FRMD3: variants seen among roughly 807,000 people sequenced by gnomAD.
The protein encoded by FRMD3 is FERM domain-containing protein 3.
FRMD3 carries 33 observed loss-of-function variants against 70.2 expected under a neutral mutation model. The ratio of observed to expected loss-of-function variants is 0.47; its 90% CI spans 0.36 to 0.63. The LOEUF is 0.63. FRMD3 is among the 20% of genes least tolerant of loss of function. FRMD3 has a pLI of 0.00. For missense variants in FRMD3, 632 were observed against 711.4 expected, an observed-to-expected ratio of 0.89 and a Z score of 1.27; for synonymous variants, 279 against 255.9, an observed-to-expected ratio of 1.09 and a Z score of -0.86.
chr9:83,514,697 A>G (rs1169836661), intron 1 of FRMD3, among the ~76,000 whole-genome samples: 1 of 152,196 alleles, frequency 6.6e-6, no homozygotes, highest in Non-Finnish European at 1.5e-5. Context: ...GTTGACAGAC[A>G]TCCCATACAG....
the FRMD3 span, among the ~76,000 whole-genome samples, chr9:83,556,831 C>T: frequency 6.6e-6 from 1 of 151,808 alleles, no homozygotes; most frequent in Non-Finnish European, 1.5e-5. Context: ...TTTTGTATAA[C>T]TTTTTGAGAT....
At chr9:83,269,997 G>T (rs1040559426) in intron 13 of FRMD3, among the ~76,000 whole-genome samples, 4 of 152,178 alleles carry the variant, frequency 2.6e-5, no homozygotes, top group Admixed American at 6.5e-5. Context: ...GCCCACAGGG[G>T]TGTCTACCTT....
chr9:83,382,064 AC>A (rs1376609321), intron 2 of FRMD3, among the ~76,000 whole-genome samples: 2 of 152,188 alleles, frequency 1.3e-5, no homozygotes, highest in Non-Finnish European at 2.9e-5. Context: ...TAAAAAAAAA[AC>A]ATGTATTACT....
chr9:83,357,696 A>G (rs535971617), intron 3 of FRMD3, among the ~76,000 whole-genome samples: 1 of 152,014 alleles, frequency 6.6e-6, no homozygotes, highest in East Asian at 1.9e-4. Flanking sequence ...ATTTTCTCAC[A>G]TGTTTGTTGC....
chr9:83,480,195 A>G (rs965723744), intron 1 of FRMD3, among the ~76,000 whole-genome samples: 2 of 152,232 alleles, frequency 1.3e-5, no homozygotes, highest in African/African-American at 4.8e-5. Flanking sequence ...CATGATGCCC[A>G]TAAATAGGGC....
downstream of FRMD3, among the ~76,000 whole-genome samples, chr9:83,243,744 C>G (rs115588003): frequency 2.8e-3 from 429 of 150,988 alleles, 3 homozygotes; most frequent in African/African-American, 9.8e-3. Context: ...AGCTAAGGGC[C>G]AATTCTGCTT....
chr9:83,291,499 C>CT (rs1264236068), intron 12 of FRMD3, among the ~76,000 whole-genome samples: 1 of 152,154 alleles, frequency 6.6e-6, no homozygotes, highest in Non-Finnish European at 1.5e-5. Flanking sequence ...CCAGTGCATA[C>CT]TTTAAAAAGG....
chr9:83,320,697 A>G (rs1835767249), intron 6 of FRMD3, among the ~76,000 whole-genome samples: 1 of 152,120 alleles, frequency 6.6e-6, no homozygotes, highest in South Asian at 2.1e-4. Context: ...AGAATGAGTT[A>G]AGGAGAACTC....
At chr9:83,327,741 G>T (rs552001919) in intron 6 of FRMD3, among the ~76,000 whole-genome samples, 2 of 152,126 alleles carry the variant, frequency 1.3e-5, no homozygotes, top group Non-Finnish European at 2.9e-5. Context: ...CATTCAGATC[G>T]ATTTGCATCT....
At chr9:83,323,689 A>C (rs1835899523) in intron 6 of FRMD3, among the ~76,000 whole-genome samples, 1 of 152,208 alleles carries the variant, frequency 6.6e-6, no homozygotes, top group Non-Finnish European at 1.5e-5. Flanking sequence ...TTTCTTTATA[A>C]ATTACCTAGC....
intron 1 of FRMD3, among the ~76,000 whole-genome samples, chr9:83,402,825 AG>A (rs1392232240): frequency 6.6e-6 from 1 of 151,752 alleles, no homozygotes; most frequent in Non-Finnish European, 1.5e-5. Context: ...ACTCCCCAAA[AG>A]CTCTTTAGCC....
chr9:83,356,803 C>A lies in FRMD3; in HGVS notation c.296-7046G>T, dbSNP rs139784589. Among the ~76,000 whole-genome samples the A allele has an allele frequency of 1.4e-4, 21 of 151,842 alleles. No individual in the cohort carries two copies. The East Asian group carries it at 3.5e-3, about 25-fold the overall frequency. On this transcript the variant is annotated intron_variant, in intron 3 of 13. Coordinates refer to ENST00000304195, the MANE Select transcript of FRMD3 (RefSeq NM_174938.6). Reference sequence around the variant, plus strand: ...GTGGTGTTGGTTACATGAATAAGTTCTTTAGTGGTGATTTCTGGGATTTGG... The same window carrying A: ...GTGGTGTTGGTTACATGAATAAGTTATTTAGTGGTGATTTCTGGGATTTGG...
At chr9:83,466,504 A>G (rs537176111) in intron 1 of FRMD3, among the ~76,000 whole-genome samples, 3 of 152,292 alleles carry the variant, frequency 2.0e-5, no homozygotes, top group Non-Finnish European at 4.4e-5. Flanking sequence ...AAGGAATCTC[A>G]GTATGTTCAT....
At chr9:83,313,828 G>T in intron 6 of FRMD3, 81 bp from the exon 7 acceptor site, 1 of 1,040,706 alleles carries the variant, frequency 9.6e-7, no homozygotes, top group Non-Finnish European at 1.5e-6. Context: ...ATAAAGTATG[G>T]TGTTCTAAGC....
At chr9:83,573,882 G>A in the FRMD3 span, among the ~76,000 whole-genome samples, 1 of 151,970 alleles carries the variant, frequency 6.6e-6, no homozygotes, top group Non-Finnish European at 1.5e-5. Context: ...TCAAGTTTGG[G>A]TCAATCAAAA....
intron 1 of FRMD3, among the ~76,000 whole-genome samples, chr9:83,425,297 A>G (rs184200967): frequency 1.4e-3 from 217 of 152,328 alleles, no homozygotes; most frequent in Non-Finnish European, 2.2e-3. Flanking sequence ...GGTCCCCTGC[A>G]TGAGAATTAG....
At chr9:83,354,454 G>C (rs1485177784) in intron 3 of FRMD3, among the ~76,000 whole-genome samples, 1 of 152,138 alleles carries the variant, frequency 6.6e-6, no homozygotes, top group Admixed American at 6.5e-5. Context: ...GAAACATTGG[G>C]TACTCATGGA....
At chr9:83,540,290 A>ACAC (rs1829984509), upstream of FRMD3, among the ~76,000 whole-genome samples, 1 of 152,200 alleles carries the variant, frequency 6.6e-6, no homozygotes, top group Non-Finnish European at 1.5e-5. Flanking sequence ...TTAAGACCAC[A>ACAC]CACACACTTG....
At chr9:83,271,388 T>G (rs958838228) in intron 13 of FRMD3, among the ~76,000 whole-genome samples, 1 of 152,182 alleles carries the variant, frequency 6.6e-6, no homozygotes, top group Non-Finnish European at 1.5e-5. Flanking sequence ...AGAGGACTTT[T>G]TAAAGATTGT....
Sources: gnomAD v4.1 joint callset for allele counts (sites outside exome capture counted in the v4.1 genomes callset) on GRCh38, gnomAD v4.1.1 for gene constraint, MANE v1.5 for transcripts, NCBI Gene and HGNC (gene_info 2026-07-23, HGNC 2026-07-21) for gene names.